SEPTIN6: variants seen among roughly 807,000 people sequenced by gnomAD.
The protein encoded by SEPTIN6 is septin-6.
SEPTIN6 carries 8 observed loss-of-function variants against 33.6 expected under a neutral mutation model. That is an observed-to-expected ratio of 0.24 (90% CI 0.14 to 0.43). The LOEUF is 0.43. Among genes scored for constraint, SEPTIN6 ranks in the 20% least tolerant of loss-of-function variants. SEPTIN6 has a pLI of 1.00. For synonymous variants in SEPTIN6, 131 were observed against 140.0 expected (o/e 0.94, Z 0.45); for missense variants, 250 against 340.8 (o/e 0.73, Z 2.10).
At chrX:119,645,258 G>C (rs1335286421) in intron 5 of SEPTIN6, among the ~76,000 whole-genome samples, 1 of 24,125 alleles carries the variant, frequency 4.1e-5, no homozygotes, top group African/African-American at 1.6e-4. Flanking sequence ...TTTTTTTTTT[G>C]AGACGGAGTC....
chrX:119,652,399 G>A (rs1168678442), intron 4 of SEPTIN6, among the ~76,000 whole-genome samples: 1 of 111,979 alleles, frequency 8.9e-6, no homozygotes, highest in Non-Finnish European at 1.9e-5. Context: ...TTTCTCTTCT[G>A]TAAAATGAAG....
intron 2 of SEPTIN6, among the ~76,000 whole-genome samples, chrX:119,673,701 G>A (rs969605832): frequency 3.0e-4 from 33 of 108,722 alleles, no homozygotes; most frequent in Admixed American, 2.0e-3. Context: ...AAATTAGCTG[G>A]GTGTGTGGCG....
chrX:119,625,561 G>C lies in SEPTIN6; in HGVS notation c.1281-182C>G, dbSNP rs774635283. ...CTGATACTCTTTTTTTTTTTTTTTT[G>C]AGTCAGGGTCTCTCTCTGTTGCCCA... On this transcript the variant is annotated intron_variant, in intron 9 of 10. Coordinates refer to ENST00000394610, the MANE Select transcript of SEPTIN6 (RefSeq NM_145799.4). Among the ~76,000 whole-genome samples, 3 of 86,302 alleles carry C rather than the reference G, an allele frequency of 3.5e-5. No individual in the cohort carries two copies. In the East Asian group the frequency reaches 1.1e-3, roughly 31 times the overall value. 74.9% of individuals were successfully genotyped at this position (86,302 alleles called of 115,157 possible).
intron 2 of SEPTIN6, among the ~76,000 whole-genome samples, chrX:119,664,520 A>G (rs1380883880): frequency 9.1e-6 from 1 of 110,407 alleles, no homozygotes; most frequent in East Asian, 2.8e-4. Flanking sequence ...GGACTATTTT[A>G]AATTTTTTTA....
At position 119,650,062 on chromosome X, in the gene SEPTIN6, T is replaced by C. The variant is rs2054327370; in HGVS notation, c.565A>G (p.Ile189Val). The C allele has an allele frequency of 1.7e-6, 2 of 1,211,392 alleles. No homozygotes were observed. Among genetic ancestry groups the C allele is most frequent in the Non-Finnish European group, 2.2e-6 (2 of 895,404 alleles). Residue 189 changes from isoleucine (I) to valine (V), a missense_variant, in exon 5 of 11, where the codon ATT becomes GTT. This residue lies in a region of SEPTIN6 where 139 missense variants were observed against 227.0 expected (regional missense o/e 0.61). Transcript: ENST00000394610. ...IIPIIAKADAISKSELTKFKI... is the reference protein window; with the variant it reads ...IIPIIAKADAVSKSELTKFKI... ...AACTTTGTTAGCTCACTCTTCGAAA[T>C]GGCATCTGCTTTGGCAATGATGGGG...
intron 2 of SEPTIN6, among the ~76,000 whole-genome samples, chrX:119,670,554 C>G (rs2054725402): frequency 1.4e-5 from 1 of 72,455 alleles, no homozygotes; most frequent in East Asian, 4.6e-4. Context: ...GAGTGAGACT[C>G]TGTCTCAAAA....
At chrX:119,690,338 T>TACACACACAC (rs1457561819) in intron 1 of SEPTIN6, among the ~76,000 whole-genome samples, 3 of 67,352 alleles carry the variant, frequency 4.5e-5, no homozygotes, top group African/African-American at 1.3e-4. Context: ...ACCCCCCACA[T>TACACACACAC]ACATACACAT....
chrX:119,677,680 T>C (rs1318957345), intron 1 of SEPTIN6, among the ~76,000 whole-genome samples: 1 of 111,961 alleles, frequency 8.9e-6, no homozygotes, highest in Non-Finnish European at 1.9e-5. Context: ...GGTGTGAGGG[T>C]GGTGGAGCCT....
rs189244863 is a variant in SEPTIN6 at position 119,648,688 on chromosome X, C to T, written c.690+1249G>A. Among the ~76,000 whole-genome samples, 34 of 111,148 alleles carry T rather than the reference C, an allele frequency of 3.1e-4. No homozygotes were observed. In the East Asian group the frequency reaches 9.3e-3, roughly 31 times the overall value. ...GTCAGGAGAGACAATGACTTGCTGC[C>T]CTGCTATGCTAATTTGTTGGCCAAT... On this transcript the variant is annotated intron_variant, in intron 5 of 10. Coordinates refer to ENST00000394610, the MANE Select transcript of SEPTIN6 (RefSeq NM_145799.4).
intron 2 of SEPTIN6, among the ~76,000 whole-genome samples, chrX:119,670,263 A>G (rs35427288): frequency 8.8e-4 from 98 of 111,522 alleles, no homozygotes; most frequent in Admixed American, 1.5e-3. Flanking sequence ...CTAGTCCTCT[A>G]AAAAGAATAA....
chrX:119,672,316 G>C (rs982155495), intron 2 of SEPTIN6, among the ~76,000 whole-genome samples: 1 of 111,512 alleles, frequency 9.0e-6, no homozygotes, highest in African/African-American at 3.3e-5. Flanking sequence ...CCCAGCAGGT[G>C]CAAGTGGAAG....
In SEPTIN6 at chrX:119,619,661, G is replaced by A. The variant is rs898577199; in HGVS notation, c.*432C>T. On this transcript the variant is annotated 3_prime_UTR_variant, in exon 11 of 11. Transcript: ENST00000394610. Reference sequence around the variant, plus strand: ...GACCAAGGGGACAGCTGTGCTGATCGGTGGTTACCCAGCCATGGTGGTTGC... The same window carrying A: ...GACCAAGGGGACAGCTGTGCTGATCAGTGGTTACCCAGCCATGGTGGTTGC... 4.5e-6 allele frequency: 4 copies of A among 884,645 alleles called. No homozygotes were observed. Among genetic ancestry groups the A allele is most frequent in the Admixed American group, 6.1e-5 (1 of 16,459 alleles). The allele number at this position is 884,645 out of a possible 1,213,427, so 72.9% of individuals were successfully genotyped here. A position where few individuals can be genotyped will look rare whatever the true frequency, so the allele number is the denominator to read the frequency against.
intron 1 of SEPTIN6, among the ~76,000 whole-genome samples, chrX:119,690,024 CA>C (rs1332109571): frequency 8.9e-6 from 1 of 111,885 alleles, no homozygotes; most frequent in Non-Finnish European, 1.9e-5. Flanking sequence ...CCACCAAGCC[CA>C]GTCCGATCAC....
chrX:119,657,382 C>T (rs1202019619), intron 3 of SEPTIN6, among the ~76,000 whole-genome samples: 1 of 110,707 alleles, frequency 9.0e-6, no homozygotes, highest in Non-Finnish European at 1.9e-5. Flanking sequence ...TCTGCCCCTC[C>T]TCTCTATCCT....
In SEPTIN6 at chrX:119,617,572, GA is replaced by G; in HGVS notation, c.*2520del. 1.2e-6 allele frequency: 1 copy of G among 803,218 alleles called. No individual in the cohort carries two copies. Among genetic ancestry groups the G allele is most frequent in the Non-Finnish European group, 1.5e-6 (1 of 669,501 alleles). 66.2% of individuals were successfully genotyped at this position (803,218 alleles called of 1,213,427 possible). On this transcript the variant is annotated 3_prime_UTR_variant, in exon 11 of 11. Transcript: ENST00000394610. ...ATCCATCTTCAGATGTTTTTCTGTG[GA>G]AAAAAACCTCGAGGGTCTTCTAATA... is the stretch of plus-strand genomic sequence containing the variant.
chrX:119,677,178 T>C (rs1357362262), intron 1 of SEPTIN6, among the ~76,000 whole-genome samples: 3 of 111,882 alleles, frequency 2.7e-5, no homozygotes, highest in Non-Finnish European at 5.6e-5. Flanking sequence ...TCTGGGTCCC[T>C]TGACTCCCTA....
chrX:119,628,372 G>A (rs771907688), intron 9 of SEPTIN6, among the ~76,000 whole-genome samples: 2 of 109,338 alleles, frequency 1.8e-5, no homozygotes, highest in East Asian at 5.8e-4. Flanking sequence ...TCTGCCTCCT[G>A]GGTTCAAGCA....
intron 2 of SEPTIN6, among the ~76,000 whole-genome samples, chrX:119,671,509 C>T (rs2054748375): frequency 9.1e-6 from 1 of 109,912 alleles, no homozygotes; most frequent in East Asian, 2.9e-4. Context: ...AGGATGGTCT[C>T]GATCTCCTGA....
In SEPTIN6 at chrX:119,629,290, C is replaced by T. The variant is rs1483859020; in HGVS notation, c.1280+28G>A. 3 of 1,194,233 alleles carry T rather than the reference C, an allele frequency of 2.5e-6. 1 individual carries two copies. The highest frequency in any genetic ancestry group is 3.4e-6 in the Non-Finnish European group (3 of 884,325). The stretch of plus-strand genomic sequence containing the variant: ...AGGATGAGCAGGAGGAAAGAGAAGG[C>T]ACCACCCCAGAGCAGCCTGCTACTT... On this transcript the variant is annotated intron_variant, in intron 9 of 10. Coordinates refer to ENST00000394610, the MANE Select transcript of SEPTIN6 (RefSeq NM_145799.4).
Sources: gnomAD v4.1 joint callset for allele counts (sites outside exome capture counted in the v4.1 genomes callset) on GRCh38, gnomAD v4.1.1 for gene constraint, gnomAD v4.1.1 regional missense constraint, MANE v1.5 for transcripts, NCBI Gene and HGNC (gene_info 2026-07-23, HGNC 2026-07-21) for gene names.